Variants in FUT9 observed in about 807,000 individuals in gnomAD.
The protein encoded by FUT9 is fucosyltransferase 9.
Under a neutral mutation model 29.7 loss-of-function variants are expected in FUT9, and 15 were observed. The observed-to-expected ratio is 0.51, with a 90% confidence interval of 0.34 to 0.78. The LOEUF (loss-of-function observed/expected upper bound fraction) is 0.78, where lower values mean the gene tolerates loss of function less well. Ranked by LOEUF, FUT9 falls within the 30% of genes least tolerant of loss-of-function variation. The probability of loss-of-function intolerance (pLI) is 0.01; values close to 1 mark genes in which losing one functional copy is unlikely to be tolerated. For missense variants in FUT9, 319 were observed against 425.4 expected (o/e 0.75, Z 2.20); for synonymous variants, 169 against 153.7 (o/e 1.10, Z -0.74).
chr6:96,187,036 G>A (rs1002729576), intron 2 of FUT9, among the ~76,000 whole-genome samples: 3 of 152,052 alleles, frequency 2.0e-5, no homozygotes, highest in Non-Finnish European at 2.9e-5. Flanking sequence ...TCACAAACTG[G>A]AAGAGCAAGA....
At chr6:96,066,211 TTTTC>T (rs1770959174) in intron 1 of FUT9, among the ~76,000 whole-genome samples, 1 of 152,106 alleles carries the variant, frequency 6.6e-6, no homozygotes, top group Non-Finnish European at 1.5e-5. Context: ...TTAGTTTCTT[TTTTC>T]TTTCTATTTA....
At chr6:96,139,831 T>C (rs1217546306) in intron 2 of FUT9, among the ~76,000 whole-genome samples, 8 of 152,058 alleles carry the variant, frequency 5.3e-5, no homozygotes, top group South Asian at 4.2e-4. Flanking sequence ...TGAGGCTGCA[T>C]AGAGTGGGGC....
chr6:96,188,542 G>T (rs1299377047), intron 2 of FUT9, among the ~76,000 whole-genome samples: 1 of 151,938 alleles, frequency 6.6e-6, no homozygotes, highest in Non-Finnish European at 1.5e-5. Flanking sequence ...AAAAACTGAT[G>T]TAATTCTAAC....
intron 1 of FUT9, among the ~76,000 whole-genome samples, chr6:96,100,201 T>C (rs1449735530): frequency 6.6e-6 from 1 of 151,366 alleles, no homozygotes; most frequent in Non-Finnish European, 1.5e-5. Flanking sequence ...AAAGGAATTA[T>C]TACTTGGAAT....
rs1038070673 is a variant in FUT9, at chr6:96,128,618, C to A, written c.-9+14491C>A. 2.7e-4 allele frequency among the ~76,000 whole-genome samples: 41 copies of A among 152,174 alleles called. 1 individual carries two copies. The highest frequency in any genetic ancestry group is 6.8e-3 in the Middle Eastern group (2 of 292). ...TATATTGTTTGACCCAGTAATTCTA[C>A]CTGTGGTAATTTATTCATCAAAAAC... On this transcript the variant is annotated intron_variant, in intron 2 of 2. Transcript: ENST00000302103.
intron 2 of FUT9, among the ~76,000 whole-genome samples, chr6:96,201,612 TTCAGTG>T (rs1163343031): frequency 6.6e-6 from 1 of 152,058 alleles, no homozygotes; most frequent in East Asian, 1.9e-4. Flanking sequence ...TTGTAGAACC[TTCAGTG>T]TCATTTAATG....
At chr6:96,026,989 A>G (rs1770180263) in intron 1 of FUT9, among the ~76,000 whole-genome samples, 1 of 151,692 alleles carries the variant, frequency 6.6e-6, no homozygotes, top group Non-Finnish European at 1.5e-5. Context: ...TGTTGAATTT[A>G]CTTTCAGATA....
chr6:96,022,989 G>C (rs1359316908), intron 1 of FUT9, among the ~76,000 whole-genome samples: 1 of 151,882 alleles, frequency 6.6e-6, no homozygotes, highest in East Asian at 1.9e-4. Flanking sequence ...ACAGAAACTG[G>C]TAGCTCACAG....
intron 2 of FUT9, among the ~76,000 whole-genome samples, chr6:96,165,396 A>C (rs1364717548): frequency 2.0e-5 from 3 of 151,072 alleles, no homozygotes; most frequent in Admixed American, 1.3e-4. Context: ...ACACCACTGC[A>C]CTCCAGCCTG....
chr6:96,151,219 T>C (rs1196691097), intron 2 of FUT9, among the ~76,000 whole-genome samples: 1 of 152,206 alleles, frequency 6.6e-6, no homozygotes, highest in East Asian at 1.9e-4. Context: ...ATTCTTTGAT[T>C]AAACTTGATA....
chr6:96,095,914 T>C (rs190902437), intron 1 of FUT9, among the ~76,000 whole-genome samples: 13 of 152,244 alleles, frequency 8.5e-5, no homozygotes, highest in South Asian at 4.1e-4. Flanking sequence ...ACCTCAGTCA[T>C]AGAACTGTTG....
intron 1 of FUT9, among the ~76,000 whole-genome samples, chr6:96,101,548 TA>T (rs201310682): frequency 1.0e-4 from 15 of 147,302 alleles, no homozygotes; most frequent in Admixed American, 2.0e-4. Flanking sequence ...GAAACTGTCT[TA>T]AAAAAAAAAG....
intron 2 of FUT9, among the ~76,000 whole-genome samples, chr6:96,183,018 A>T (rs1773338162): frequency 6.6e-6 from 1 of 151,754 alleles, no homozygotes; most frequent in Non-Finnish European, 1.5e-5. Flanking sequence ...GAATTTTTAA[A>T]TTGTTTTTGG....
At chr6:96,108,917 C>CAG (rs1328790181) in intron 1 of FUT9, among the ~76,000 whole-genome samples, 1 of 152,012 alleles carries the variant, frequency 6.6e-6, no homozygotes, top group Non-Finnish European at 1.5e-5. Flanking sequence ...ATTTCAAGGG[C>CAG]AGAGAGAGAG....
chr6:96,170,211 T>C (rs1046303075), intron 2 of FUT9, among the ~76,000 whole-genome samples: 2 of 152,074 alleles, frequency 1.3e-5, no homozygotes, highest in South Asian at 2.1e-4. Flanking sequence ...TTCAGGAAAA[T>C]TGAGTTTCAA....
chr6:96,094,820 G>C lies in FUT9; in HGVS notation c.-97-19219G>C, dbSNP rs551908131. ...TTTTCTAATGCAAACCTGTGTCCTA[G>C]GAAGACAAGTTTTTGTTGTTGTCAT... On this transcript the variant is annotated intron_variant, in intron 1 of 2. Coordinates refer to ENST00000302103, the MANE Select transcript of FUT9 (RefSeq NM_006581.4). 1.4e-4 allele frequency among the ~76,000 whole-genome samples: 22 copies of C among 152,028 alleles called. No homozygotes were observed. The South Asian group carries it at 2.3e-3, about 16-fold the overall frequency.
At chr6:96,118,665 T>C (rs942356101) in intron 2 of FUT9, among the ~76,000 whole-genome samples, 2 of 152,164 alleles carry the variant, frequency 1.3e-5, no homozygotes, top group Non-Finnish European at 2.9e-5. Context: ...ACTTAATTAT[T>C]AAACAGCCTC....
chr6:96,184,556 G>A (rs1416286506), intron 2 of FUT9, among the ~76,000 whole-genome samples: 1 of 151,740 alleles, frequency 6.6e-6, no homozygotes, highest in Admixed American at 6.6e-5. Context: ...TTTACTGTTT[G>A]TGCTCTTTAG....
At position 96,166,814 on chromosome 6, in the gene FUT9, A is replaced by G. The variant is rs148897193; in HGVS notation, c.-8-36334A>G. Among the ~76,000 whole-genome samples the G allele has an allele frequency of 8.0e-3, 1,212 of 152,256 alleles. 25 individuals are homozygous for G. Among genetic ancestry groups the G allele is most frequent in the African/African-American group, 0.028 (1,171 of 41,540 alleles). Reference sequence around the variant, plus strand: ...TGTATACATTGTACTATTTGTATATAACCCCTGCACATCCTCCCATACTCT... The same window carrying G: ...TGTATACATTGTACTATTTGTATATGACCCCTGCACATCCTCCCATACTCT... On this transcript the variant is annotated intron_variant, in intron 2 of 2. Transcript: ENST00000302103.
Sources: gnomAD v4.1 joint callset for allele counts (sites outside exome capture counted in the v4.1 genomes callset) on GRCh38, gnomAD v4.1.1 for gene constraint, MANE v1.5 for transcripts, NCBI Gene and HGNC (gene_info 2026-07-23, HGNC 2026-07-21) for gene names.